Variants in DDO observed in about 807,000 individuals in gnomAD.
DDO encodes the protein D-aspartate oxidase.
A neutral mutation model predicts 16.8 loss-of-function variants in DDO; 16 were observed. The observed-to-expected ratio is 0.95, with a 90% confidence interval of 0.65 to 1.45. The LOEUF is 1.45. Among genes scored for constraint, DDO ranks in the 40% most tolerant of loss-of-function variants. The pLI is 0.00. For synonymous variants in DDO, 180 were observed against 167.2 expected, an observed-to-expected ratio of 1.08 and a Z score of -0.59; for missense variants, 429 against 420.3, an observed-to-expected ratio of 1.02 and a Z score of -0.18.
chr6:110,413,541 G>GT, intron 1 of DDO, 75 bp from the exon 2 acceptor site: 1 of 1,520,064 alleles, frequency 6.6e-7, no homozygotes, highest in South Asian at 1.2e-5. Context: ...GGTCTTGACA[G>GT]TTTTTTCCTT....
intron 4 of DDO, among the ~76,000 whole-genome samples, chr6:110,395,978 G>A (rs985924877): frequency 3.3e-5 from 5 of 152,230 alleles, no homozygotes; most frequent in Admixed American, 6.5e-5. Flanking sequence ...GGTTCAAGCC[G>A]AGATCCCGCC....
intron 4 of DDO, among the ~76,000 whole-genome samples, chr6:110,400,664 A>G (rs1161690914): frequency 2.0e-5 from 3 of 152,258 alleles, no homozygotes; most frequent in Non-Finnish European, 4.4e-5. Context: ...GGAGGAGTTA[A>G]GCATTTGCAT....
chr6:110,413,306 G>T lies in DDO; in HGVS notation c.157C>A (p.Pro53Thr), dbSNP rs1582496675. The T allele has an allele frequency of 6.2e-7, 1 of 1,614,122 alleles. No homozygotes were observed. Among genetic ancestry groups the T allele is most frequent in the East Asian group, 2.2e-5 (1 of 44,884 alleles). The change falls in exon 2 of 5, where the codon CCT (proline) becomes ACT (threonine). Residue 53 changes from proline (P) to threonine (T), a missense_variant. Transcript: ENST00000368924. ...TSDVAAGMLIPHTYPDTPIHT... is the reference protein window; with the variant it reads ...TSDVAAGMLITHTYPDTPIHT... Reference sequence around the variant, plus strand: ...AATCTCTCACCTGGATAAGTGTGAGGAATAAGCATTCCGGCTGCCACATCA... The same window carrying T: ...AATCTCTCACCTGGATAAGTGTGAGTAATAAGCATTCCGGCTGCCACATCA...
At position 110,392,258 on chromosome 6, in the gene DDO, G is replaced by A; in HGVS notation, c.*517C>T. 1.0e-6 allele frequency: 1 copy of A among 985,478 alleles called. No homozygotes were observed. The highest frequency in any genetic ancestry group is 4.7e-5 in the South Asian group (1 of 21,284). 61.0% of individuals were successfully genotyped at this position (985,478 alleles called of 1,614,324 possible). ...ACCTAAGAAGATCACAGGCAGCTCT[G>A]CAATTGACAGTGATTTAAATGTTTT... On this transcript the variant is annotated 3_prime_UTR_variant, in exon 5 of 5. Coordinates refer to ENST00000368924, the MANE Select transcript of DDO (RefSeq NM_001372108.2).
chr6:110,388,959 G>A (rs916710918), downstream of DDO: 2 of 307,372 alleles, frequency 6.5e-6, no homozygotes, highest in Non-Finnish European at 4.8e-6. Flanking sequence ...AAGCTGTGAT[G>A]GTTAATTTTA....
chr6:110,398,407 C>A (rs1016089247), intron 4 of DDO, among the ~76,000 whole-genome samples: 1 of 148,956 alleles, frequency 6.7e-6, no homozygotes, highest in Non-Finnish European at 1.5e-5. Flanking sequence ...CACACACACA[C>A]ACACACACAC....
intron 1 of DDO, among the ~76,000 whole-genome samples, chr6:110,413,784 T>A (rs922235663): frequency 6.6e-6 from 1 of 152,116 alleles, no homozygotes; most frequent in Non-Finnish European, 1.5e-5. Flanking sequence ...TCCCTTTTTT[T>A]TCCCCCTGAA....
chr6:110,405,585 T>C lies in DDO; in HGVS notation c.282-635A>G, dbSNP rs17052446. Among the ~76,000 whole-genome samples, 995 of 152,328 alleles carry C rather than the reference T, an allele frequency of 6.5e-3. 63 individuals carry two copies. In the East Asian group the frequency reaches 0.14, roughly 21 times the overall value. On this transcript the variant is annotated intron_variant, in intron 3 of 4. Coordinates refer to ENST00000368924, the MANE Select transcript of DDO (RefSeq NM_001372108.2). ...TACTAATAGCTGCTATGCAAATGTT[T>C]AGATTTGTAAATATTGGGTTGTTTT...
intron 2 of DDO, 124 bp downstream of exon 2, chr6:110,413,167 A>G: frequency 8.7e-7 from 1 of 1,144,356 alleles, no homozygotes; most frequent in Admixed American, 2.7e-5. Flanking sequence ...AGAGGAAAGG[A>G]AAAAGAAAAA....
chr6:110,393,458 C>G (rs950527208), intron 4 of DDO, 116 bp from the exon 5 acceptor site: 57 of 1,403,022 alleles, frequency 4.1e-5, no homozygotes, highest in Non-Finnish European at 5.1e-5. Flanking sequence ...TGAACAAACA[C>G]CTCAGGAGCT....
intron 2 of DDO, among the ~76,000 whole-genome samples, chr6:110,410,584 A>G (rs777485458): frequency 6.6e-6 from 1 of 152,224 alleles, no homozygotes. Flanking sequence ...CCTTCTTCAC[A>G]TGGTGGCAGG....
Position 110,404,762 on chromosome 6 carries a change from A to G in DDO, c.458+12T>C. On this transcript the variant is annotated intron_variant, in intron 4 of 4. Coordinates refer to ENST00000368924, the MANE Select transcript of DDO (RefSeq NM_001372108.2). ...GACAGATAAGGAAATATCAGGGAGC[A>G]TTTCAACTGACCTTTTCTCCAACCA... The G allele has an allele frequency of 6.2e-7, 1 of 1,613,594 alleles. No homozygotes were observed. The highest frequency in any genetic ancestry group is 8.5e-7 in the Non-Finnish European group (1 of 1,179,558).
rs76153582 is a variant in DDO, at chr6:110,410,824, G to A, written c.173-2382C>T. ...GCCAAACTATATCAGCTGGCATCTG[G>A]TGGATACACCAGGTGCCTGTGTTTG... On this transcript the variant is annotated intron_variant, in intron 2 of 4. Coordinates refer to ENST00000368924, the MANE Select transcript of DDO (RefSeq NM_001372108.2). Among the ~76,000 whole-genome samples the A allele has an allele frequency of 1.1e-3, 170 of 152,226 alleles. 1 individual carries two copies. Among genetic ancestry groups the A allele is most frequent in the African/African-American group, 4.0e-3 (168 of 41,536 alleles).
chr6:110,405,389 T>A (rs1773619334), intron 3 of DDO, among the ~76,000 whole-genome samples: 1 of 152,190 alleles, frequency 6.6e-6, no homozygotes, highest in Admixed American at 6.5e-5. Context: ...AAATGATCTA[T>A]TTTACTATTC....
In DDO at chr6:110,413,378, A is replaced by T. The variant is rs1773927444; in HGVS notation, c.85T>A (p.Cys29Ser). The T allele has an allele frequency of 6.2e-7, 1 of 1,614,018 alleles. No homozygotes were observed. The highest frequency in any genetic ancestry group is 1.3e-5 in the African/African-American group (1 of 74,904). ...TTGTCTGAAATGATGGTAACGGAGC[A>T]TCGGGGCACCAGTTTGGAGATGCAC... The part of the protein sequence containing the change: ...AVCISKLVPR[C>S]SVTIISDKFT... The change falls in exon 2 of 5, where the codon TGC becomes AGC. Residue 29 changes from cysteine (C) to serine (S), a missense_variant. By Grantham distance (112) the Cys-to-Ser change is moderately radical. Transcript: ENST00000368924.
At chr6:110,406,274 TACACACACATGCACGCATGCATGC>T (rs996714877) in intron 3 of DDO, among the ~76,000 whole-genome samples, 1 of 152,138 alleles carries the variant, frequency 6.6e-6, no homozygotes, top group Non-Finnish European at 1.5e-5. Context: ...CTCATGCATT[TACACACACATGCACGCATGCATGC>T]ACACACACAC....
In DDO at chr6:110,404,926, C is replaced by T. The variant is rs745572196; in HGVS notation, c.306G>A (p.Pro102=). 6.8e-6 allele frequency: 11 copies of T among 1,614,040 alleles called. No homozygotes were observed. The highest frequency in any genetic ancestry group is 5.0e-5 in the Admixed American group (3 of 60,008). ...VSGWQIFQST[P]TEEVPFWADV... ...CAGCCCAGAATGGCACTTCTTCAGT[C>T]GGAGTGCTCTGAAATATCTGCCAAC... is the stretch of plus-strand genomic sequence containing the variant. The change falls in exon 4 of 5, where the codon CCG becomes CCA. Residue 102 remains proline (P), a synonymous_variant. Coordinates refer to ENST00000368924, the MANE Select transcript of DDO (RefSeq NM_001372108.2).
intron 4 of DDO, among the ~76,000 whole-genome samples, chr6:110,397,503 G>A (rs565032465): frequency 7.2e-5 from 11 of 152,246 alleles, no homozygotes; most frequent in African/African-American, 2.6e-4. Flanking sequence ...CATAATTTGG[G>A]GGAATAAGAG....
chr6:110,396,976 A>C (rs990249583), intron 4 of DDO, among the ~76,000 whole-genome samples: 3 of 152,184 alleles, frequency 2.0e-5, no homozygotes, highest in African/African-American at 7.2e-5. Flanking sequence ...TGTGTTTATA[A>C]TCTTCCAAAA....
Sources: gnomAD v4.1 joint callset for allele counts (sites outside exome capture counted in the v4.1 genomes callset) on GRCh38, gnomAD v4.1.1 for gene constraint, MANE v1.5 for transcripts, NCBI Gene and HGNC (gene_info 2026-07-23, HGNC 2026-07-21) for gene names.